The following WDR26 variants were observed in gnomAD, a reference collection of about 807,000 sequenced individuals.
The protein encoded by WDR26 is WD repeat domain 26.
A neutral mutation model predicts 84.1 loss-of-function variants in WDR26; 5 were observed. The observed-to-expected ratio is 0.06, with a 90% CI of 0.03 to 0.13. WDR26 has a LOEUF of 0.13. Among genes scored for constraint, WDR26 ranks in the 10% least tolerant of loss-of-function variants. The probability of loss-of-function intolerance (pLI) is 1.00; values close to 1 mark genes in which losing one functional copy is unlikely to be tolerated. For synonymous variants in WDR26, 415 were observed against 389.6 expected (o/e 1.07, Z -0.77); for missense variants, 642 against 974.9 (o/e 0.66, Z 4.55).
At position 224,403,867 on chromosome 1, in the gene WDR26, G is replaced by A. The variant is rs370902031; in HGVS notation, c.1599+563C>T. ...CAGGAGAATCGCTTGAACCCAGGAG[G>A]TGGAGGCTGCAGTGAGCCGAGATTG... On this transcript the variant is annotated intron_variant, in intron 8 of 13. Transcript: ENST00000414423. Among the ~76,000 whole-genome samples, 13 of 152,264 alleles carry A rather than the reference G, an allele frequency of 8.5e-5. No individual in the cohort carries two copies. In the East Asian group the frequency reaches 2.3e-3, roughly 27 times the overall value.
chr1:224,398,895 C>T lies in WDR26; in HGVS notation c.1859G>A (p.Arg620Lys). Residue 620 changes from arginine to lysine, a missense_variant, in exon 10 of 14, where the codon AGG becomes AAG. Physicochemically the swap from Arg to Lys is conservative, Grantham distance 26 (BLOSUM62 2). This residue lies in a region of WDR26 where 351 missense variants were observed against 672.8 expected (regional missense o/e 0.52). Transcript: ENST00000414423. ...GGAAACAAAAAATAGTTACATGTTC[C>T]TATCTGTAAGGTCCTCGAAGTTATA... 1 of 1,613,768 alleles carries T rather than the reference C, an allele frequency of 6.2e-7. No homozygotes were observed. The highest frequency in any genetic ancestry group is 8.5e-7 in the Non-Finnish European group (1 of 1,179,876).
At chr1:224,422,004 T>C (rs1233263898) in intron 4 of WDR26, among the ~76,000 whole-genome samples, 2 of 152,206 alleles carry the variant, frequency 1.3e-5, no homozygotes, top group African/African-American at 4.8e-5. Context: ...GTGTCACATA[T>C]TTGTTCTCGA....
intron 3 of WDR26, chr1:224,429,635 TTC>T (rs1674328786): frequency 6.6e-6 from 1 of 152,200 alleles, no homozygotes; most frequent in Admixed American, 6.6e-5. Context: ...TGGAACCCTT[TTC>T]TTTTTATAAA....
chr1:224,404,138 T>C (rs1673492067), intron 8 of WDR26, among the ~76,000 whole-genome samples: 1 of 152,206 alleles, frequency 6.6e-6, no homozygotes, highest in South Asian at 2.1e-4. Flanking sequence ...TGTGAAACTA[T>C]GAAACCATTA....
chr1:224,423,256 C>T (rs1006844366), intron 4 of WDR26, among the ~76,000 whole-genome samples: 2 of 152,154 alleles, frequency 1.3e-5, no homozygotes, highest in African/African-American at 4.8e-5. Flanking sequence ...ATTTCCTTGG[C>T]TAGAACCTCC....
rs763250051 is a variant in WDR26 at position 224,413,202 on chromosome 1, C to A, written c.1320-1637G>T. The A allele has an allele frequency of 1.7e-4, 124 of 715,284 alleles. No homozygotes were observed. The East Asian group carries it at 2.5e-3, about 14-fold the overall frequency. The allele number at this position is 715,284 out of a possible 1,614,324, so 44.3% of individuals were successfully genotyped here. On this transcript the variant is annotated intron_variant, in intron 6 of 13. Coordinates refer to ENST00000414423, the MANE Select transcript of WDR26 (RefSeq NM_001379403.1). ...AGATAGTCTCAAACAACAACAACAACAAAAACCCCCCCCCCCAAAAAAAAC... is the reference window on the plus strand; with the variant it reads ...AGATAGTCTCAAACAACAACAACAAAAAAAACCCCCCCCCCCAAAAAAAAC...
chr1:224,431,450 T>A, intron 3 of WDR26, 27 bp downstream of exon 3: 1 of 1,600,854 alleles, frequency 6.2e-7, no homozygotes. Flanking sequence ...AGCATAAATG[T>A]GAAACTAAGA....
chr1:224,398,846 T>C, intron 10 of WDR26, 43 bp downstream of exon 10: 4 of 1,607,336 alleles, frequency 2.5e-6, no homozygotes, highest in South Asian at 1.1e-5. Context: ...CATTTGAATA[T>C]AAATCAGGTA....
rs948402334 is a variant in WDR26, at chr1:224,398,784, C to A, written c.1865+105G>T. 6 of 1,430,984 alleles carry A rather than the reference C, an allele frequency of 4.2e-6. No individual in the cohort carries two copies. In the African/African-American group the frequency reaches 7.2e-5, roughly 17 times the overall value. The allele number at this position is 1,430,984 out of a possible 1,614,324, so 88.6% of individuals were successfully genotyped here. On this transcript the variant is annotated intron_variant, in intron 10 of 13. Transcript: ENST00000414423. Reference sequence around the variant, plus strand: ...ATGTGACCTTCAATCCAAATTACCACGCAAACCAAAACGAAAAACATAAAA... The same window carrying A: ...ATGTGACCTTCAATCCAAATTACCAAGCAAACCAAAACGAAAAACATAAAA...
At chr1:224,415,877 G>GTA in intron 6 of WDR26, among the ~76,000 whole-genome samples, 1 of 152,310 alleles carries the variant, frequency 6.6e-6, no homozygotes, top group Non-Finnish European at 1.5e-5. Flanking sequence ...AAGTAAAGTA[G>GTA]TACAGTGCTA....
chr1:224,397,858 T>TGACA (rs1402834684), intron 12 of WDR26: 1 of 483,218 alleles, frequency 2.1e-6, no homozygotes, highest in Non-Finnish European at 3.6e-6. Context: ...TGACAATACA[T>TGACA]GACAATATGG....
chr1:224,398,999 C>T lies in WDR26; in HGVS notation c.1755G>A (p.Gly585=), dbSNP rs777726585. Reference sequence around the variant, plus strand: ...AGCACCAAAGGCATTGCACTCTTACCCCTTCCCAGGAGTCAAGGAGATTAC... The same window carrying T: ...AGCACCAAAGGCATTGCACTCTTACTCCTTCCCAGGAGTCAAGGAGATTAC... The change falls in exon 10 of 14, where the codon GGG becomes GGA. Residue 585 remains glycine (G), a synonymous_variant. Coordinates refer to ENST00000414423, the MANE Select transcript of WDR26 (RefSeq NM_001379403.1). 3 of 1,592,076 alleles carry T rather than the reference C, an allele frequency of 1.9e-6. No homozygotes were observed. In the South Asian group the frequency reaches 3.4e-5, roughly 18 times the overall value.
In WDR26 at chr1:224,434,528, G is replaced by C. The variant is rs1307616965; in HGVS notation, c.-123C>G. 2 of 300,890 alleles carry C rather than the reference G, an allele frequency of 6.6e-6. No homozygotes were observed. Among genetic ancestry groups the C allele is most frequent in the East Asian group, 3.8e-4 (2 of 5,306 alleles). The allele number at this position is 300,890 out of a possible 1,614,324, so 18.6% of individuals were successfully genotyped here. A position where few individuals can be genotyped will look rare whatever the true frequency, so the allele number is the denominator to read the frequency against. On this transcript the variant is annotated 5_prime_UTR_variant, in exon 1 of 14. Coordinates refer to ENST00000414423, the MANE Select transcript of WDR26 (RefSeq NM_001379403.1). Reference sequence around the variant, plus strand: ...AGGAGGGTGAGGGTGAGGGTGAGAGGAGGGGGAGGAGGAGGAGGGGGAGAA... The same window carrying C: ...AGGAGGGTGAGGGTGAGGGTGAGAGCAGGGGGAGGAGGAGGAGGGGGAGAA...
chr1:224,401,871 A>G (rs1282605880), intron 8 of WDR26: 1 of 152,100 alleles, frequency 6.6e-6, no homozygotes, highest in African/African-American at 2.4e-5. Context: ...AAAGTACTAG[A>G]AAGAGGAACC....
At chr1:224,419,428 A>G in intron 5 of WDR26, 90 bp downstream of exon 5, 1 of 993,856 alleles carries the variant, frequency 1.0e-6, no homozygotes. Flanking sequence ...AAGTATGTCC[A>G]GATATTCCCC....
Position 224,434,746 on chromosome 1 carries a change from C to T in WDR26, c.-341G>A, listed in dbSNP as rs531451810. The T allele has an allele frequency of 6.1e-6, 6 of 987,012 alleles. No homozygotes were observed. The South Asian group carries it at 1.4e-4, about 22-fold the overall frequency. 61.1% of individuals were successfully genotyped at this position (987,012 alleles called of 1,614,324 possible). A position where few individuals can be genotyped will look rare whatever the true frequency, so the allele number is the denominator to read the frequency against. On this transcript the variant is annotated 5_prime_UTR_variant, in exon 1 of 14. Transcript: ENST00000414423. The stretch of plus-strand genomic sequence containing the variant: ...CAGCTGCCGCCTCTGTCCTCGGATC[C>T]GCTCCGCTCTGCTCCCTGGTGTGTT...
chr1:224,415,766 A>G (rs1673885765), intron 6 of WDR26, among the ~76,000 whole-genome samples: 1 of 152,278 alleles, frequency 6.6e-6, no homozygotes, highest in African/African-American at 2.4e-5. Flanking sequence ...GGCCTGGAAC[A>G]TGTATTTCTT....
intron 10 of WDR26, 36 bp from the exon 11 acceptor site, chr1:224,398,629 T>C (rs780044958): frequency 1.8e-5 from 27 of 1,538,346 alleles, no homozygotes; most frequent in Non-Finnish European, 2.1e-5. Flanking sequence ...AAACAACATA[T>C]TAACAGTCAA....
intron 4 of WDR26, among the ~76,000 whole-genome samples, chr1:224,423,576 T>C (rs1423230475): frequency 2.6e-5 from 4 of 152,138 alleles, no homozygotes; most frequent in African/African-American, 4.8e-5. Flanking sequence ...TAGCGAGACC[T>C]GTCTCTACAA....
Sources: gnomAD v4.1 joint callset for allele counts (sites outside exome capture counted in the v4.1 genomes callset) on GRCh38, gnomAD v4.1.1 for gene constraint, gnomAD v4.1.1 regional missense constraint, MANE v1.5 for transcripts, NCBI Gene and HGNC (gene_info 2026-07-23, HGNC 2026-07-21) for gene names.